Variants in ATXN1 observed in about 807,000 individuals in gnomAD.
ATXN1 encodes ataxin 1.
In ATXN1, 8 loss-of-function variants were observed where a neutral mutation model predicts 56.4. The observed-to-expected ratio is 0.14, with a 90% CI of 0.08 to 0.26. The LOEUF is 0.26. Ranked by LOEUF, ATXN1 falls within the 10% of genes least tolerant of loss-of-function variation. The pLI is 1.00. For missense variants in ATXN1, 987 were observed against 1,106.5 expected, an observed-to-expected ratio of 0.89 and a Z score of 1.53; for synonymous variants, 514 against 494.6, an observed-to-expected ratio of 1.04 and a Z score of -0.52.
intron 6 of ATXN1, among the ~76,000 whole-genome samples, chr6:16,425,751 A>G (rs867954912): frequency 5.9e-5 from 9 of 152,244 alleles, no homozygotes; most frequent in Admixed American, 5.2e-4. Context: ...GGGACCGAGC[A>G]TCCCTGAAAC....
Position 16,377,530 on chromosome 6 carries a change from C to T in ATXN1, c.-160-49060G>A, listed in dbSNP as rs137887872. Among the ~76,000 whole-genome samples the T allele has an allele frequency of 2.5e-3, 376 of 152,236 alleles. 1 individual carries two copies. Among genetic ancestry groups the T allele is most frequent in the African/African-American group, 8.4e-3 (350 of 41,532 alleles). On this transcript the variant is annotated intron_variant, in intron 6 of 7. Transcript: ENST00000436367. The stretch of plus-strand genomic sequence containing the variant: ...GGGTCAGAGCTGAACAGGCTACAGC[C>T]GCTGTTCACCAAGAGCCCATGGTCT...
intron 3 of ATXN1, among the ~76,000 whole-genome samples, chr6:16,606,134 C>T (rs1052396329): frequency 6.0e-5 from 9 of 151,104 alleles, no homozygotes; most frequent in South Asian, 2.1e-4. Context: ...GGAGACAGAG[C>T]GAGACCCTGT....
Position 16,327,083 on chromosome 6 carries a change from G to C in ATXN1, c.1228C>G (p.Leu410Val), listed in dbSNP as rs373930833. 29 of 1,613,724 alleles carry C rather than the reference G, an allele frequency of 1.8e-5. No homozygotes were observed. Among genetic ancestry groups the C allele is most frequent in the Middle Eastern group, 3.3e-4 (2 of 6,084 alleles). The part of the protein sequence containing the change: ...ATHREASPST[L>V]NDKSGLHLGK... ...AAATGCAGGCCACTTTTGTCGTTGAGGGTAGAAGGGGAGGCTTCACGATGA... is the reference window on the plus strand; with the variant it reads ...AAATGCAGGCCACTTTTGTCGTTGACGGTAGAAGGGGAGGCTTCACGATGA... Residue 410 changes from leucine (L) to valine (V), a missense_variant, in exon 7 of 8, where the codon CTC becomes GTC. Physicochemically the swap from Leu to Val is conservative, Grantham distance 32. This residue lies in a region of ATXN1 where 723 missense variants were observed against 791.7 expected (regional missense o/e 0.91). Transcript: ENST00000436367.
chr6:16,505,263 C>T (rs773214669), intron 5 of ATXN1, among the ~76,000 whole-genome samples: 179 of 152,290 alleles, frequency 1.2e-3, no homozygotes, highest in Middle Eastern at 3.4e-3. Flanking sequence ...TCTTCACTAA[C>T]AGGCAAGCTT....
intron 2 of ATXN1, among the ~76,000 whole-genome samples, chr6:16,732,561 A>T (rs1760014779): frequency 6.6e-6 from 1 of 151,854 alleles, no homozygotes; most frequent in African/African-American, 2.4e-5. Flanking sequence ...ACAGAGTGAG[A>T]CTCCATCTCA....
chr6:16,723,693 AT>A (rs1347208518), intron 2 of ATXN1, among the ~76,000 whole-genome samples: 2 of 152,158 alleles, frequency 1.3e-5, no homozygotes, highest in African/African-American at 2.4e-5. Flanking sequence ...CTAAGTATAT[AT>A]ATTTTTAAAA....
chr6:16,334,615 G>C (rs1201201042), intron 6 of ATXN1, among the ~76,000 whole-genome samples: 1 of 152,130 alleles, frequency 6.6e-6, no homozygotes, highest in Non-Finnish European at 1.5e-5. Context: ...TACCCAGGAG[G>C]CTAAGGCAGG....
intron 3 of ATXN1, among the ~76,000 whole-genome samples, chr6:16,590,895 T>G (rs897877942): frequency 2.6e-5 from 4 of 151,078 alleles, no homozygotes; most frequent in African/African-American, 4.9e-5. Flanking sequence ...CAGGCTGGAG[T>G]GCAATGGCGC....
At chr6:16,552,142 G>A (rs529587937) in intron 4 of ATXN1, among the ~76,000 whole-genome samples, 22 of 152,190 alleles carry the variant, frequency 1.4e-4, no homozygotes, top group Non-Finnish European at 3.1e-4. Flanking sequence ...GCCACTCAAA[G>A]ATGCTACTCA....
chr6:16,392,525 T>C (rs188821154), intron 6 of ATXN1, among the ~76,000 whole-genome samples: 2 of 152,202 alleles, frequency 1.3e-5, no homozygotes, highest in Admixed American at 1.3e-4. Context: ...AGATGGAGTT[T>C]TGCTCTATAG....
At chr6:16,469,974 A>G (rs1029392706) in intron 6 of ATXN1, among the ~76,000 whole-genome samples, 1 of 143,130 alleles carries the variant, frequency 7.0e-6, no homozygotes, top group Non-Finnish European at 1.5e-5. Flanking sequence ...AAAAAAAAAA[A>G]GAAAAAGAGA....
intron 5 of ATXN1, among the ~76,000 whole-genome samples, chr6:16,515,662 G>A (rs1761168178): frequency 6.6e-6 from 1 of 152,092 alleles, no homozygotes; most frequent in Admixed American, 6.5e-5. Flanking sequence ...GTCCTACACG[G>A]AGCTTCCCAC....
intron 2 of ATXN1, among the ~76,000 whole-genome samples, chr6:16,750,504 G>A (rs1022462143): frequency 1.3e-5 from 2 of 152,174 alleles, no homozygotes; most frequent in African/African-American, 4.8e-5. Context: ...GCCGTCAATC[G>A]TGAGGACTGT....
At position 16,482,116 on chromosome 6, in the gene ATXN1, C is replaced by T. The variant is rs150086196; in HGVS notation, c.-161+3856G>A. ...CTAGACTCTCCATCCCTTCCCCACACCCTTAAACTGCTATCAGATTCAAGC... is the reference window on the plus strand; with the variant it reads ...CTAGACTCTCCATCCCTTCCCCACATCCTTAAACTGCTATCAGATTCAAGC... On this transcript the variant is annotated intron_variant, in intron 6 of 7. Transcript: ENST00000436367. Among the ~76,000 whole-genome samples, 711 of 152,220 alleles carry T rather than the reference C, an allele frequency of 4.7e-3. 2 individuals are homozygous for T. Among genetic ancestry groups the T allele is most frequent in the African/African-American group, 0.016 (666 of 41,502 alleles).
intron 6 of ATXN1, among the ~76,000 whole-genome samples, chr6:16,413,718 G>A (rs1300019553): frequency 6.6e-6 from 1 of 152,152 alleles, no homozygotes; most frequent in African/African-American, 2.4e-5. Flanking sequence ...TGATGTTTGG[G>A]TGTCTGGAGA....
chr6:16,383,525 C>T (rs2113509765), intron 6 of ATXN1, among the ~76,000 whole-genome samples: 1 of 152,284 alleles, frequency 6.6e-6, no homozygotes, highest in South Asian at 2.1e-4. Flanking sequence ...TAATTCACCA[C>T]TTATTAAAAC....
chr6:16,341,877 ATTTTTTTTTT>A (rs34092584), intron 6 of ATXN1, among the ~76,000 whole-genome samples: 2 of 86,860 alleles, frequency 2.3e-5, no homozygotes, highest in Non-Finnish European at 4.2e-5. Context: ...TGTCTCAGTG[ATTTTTTTTTT>A]TTTTTTTTTT....
chr6:16,400,835 T>C (rs528109429), intron 6 of ATXN1, among the ~76,000 whole-genome samples: 21 of 152,302 alleles, frequency 1.4e-4, no homozygotes, highest in African/African-American at 5.1e-4. Flanking sequence ...GGTCATGGTC[T>C]ACTTTTTGGC....
intron 6 of ATXN1, among the ~76,000 whole-genome samples, chr6:16,329,397 T>C (rs1211146014): frequency 6.6e-6 from 1 of 151,692 alleles, no homozygotes; most frequent in Non-Finnish European, 1.5e-5. Context: ...CTCTCCCTAA[T>C]ACACACACAC....
Sources: gnomAD v4.1 joint callset for allele counts (sites outside exome capture counted in the v4.1 genomes callset) on GRCh38, gnomAD v4.1.1 for gene constraint, gnomAD v4.1.1 regional missense constraint, MANE v1.5 for transcripts, NCBI Gene and HGNC (gene_info 2026-07-23, HGNC 2026-07-21) for gene names.